Variants in MAP4 observed in about 807,000 individuals in gnomAD.
MAP4 encodes microtubule associated protein 4, also known as microtubule-associated protein 4.
A neutral mutation model predicts 170.2 loss-of-function variants in MAP4; 76 were observed. The ratio of observed to expected loss-of-function variants is 0.45; its 90% CI spans 0.37 to 0.54. The LOEUF is 0.54. Ranked by LOEUF, MAP4 falls within the 20% of genes least tolerant of loss-of-function variation. The pLI, the probability that MAP4 is intolerant of heterozygous loss-of-function variation, is 0.00. For missense variants in MAP4, 2,506 were observed against 2,748.0 expected, an observed-to-expected ratio of 0.91 and a Z score of 1.97; for synonymous variants, 909 against 994.5, an observed-to-expected ratio of 0.91 and a Z score of 1.62.
At chr3:47,934,198 C>A (rs1233665448) in intron 3 of MAP4, among the ~76,000 whole-genome samples, 1 of 152,104 alleles carries the variant, frequency 6.6e-6, no homozygotes, top group Non-Finnish European at 1.5e-5. Context: ...ATCAACAGCA[C>A]CACAACATAT....
chr3:48,033,631 C>T (rs746143387), intron 1 of MAP4, among the ~76,000 whole-genome samples: 1 of 152,062 alleles, frequency 6.6e-6, no homozygotes, highest in Non-Finnish European at 1.5e-5. Flanking sequence ...ACGGGAGTCT[C>T]GCTCTGTCAC....
chr3:47,863,258 G>A (rs1251958894), intron 17 of MAP4, among the ~76,000 whole-genome samples: 2 of 152,258 alleles, frequency 1.3e-5, no homozygotes, highest in African/African-American at 4.8e-5. Flanking sequence ...TTACAGGCAT[G>A]AGCCGCTGTG....
intron 1 of MAP4, among the ~76,000 whole-genome samples, chr3:48,055,888 CGGCCG>C (rs2100130932): frequency 2.7e-5 from 2 of 74,242 alleles, no homozygotes; most frequent in Admixed American, 1.4e-4. Flanking sequence ...CGCCTCTGCC[CGGCCG>C]AGACCCCGTC....
intron 3 of MAP4, chr3:47,974,180 C>T (rs1559661418): frequency 2.1e-6 from 2 of 936,540 alleles, no homozygotes. Context: ...AATCCCAGCA[C>T]TTTGGGTGGC....
chr3:48,068,698 C>T (rs1211069474), intron 1 of MAP4, among the ~76,000 whole-genome samples: 3 of 152,264 alleles, frequency 2.0e-5, no homozygotes, highest in East Asian at 1.9e-4. Context: ...GCAGGAGAAT[C>T]GCTTGAACCC....
At position 48,025,903 on chromosome 3, in the gene MAP4, A is replaced by AAATAATAATAATAATAAT. The variant is rs10645414; in HGVS notation, c.-19-27042_-19-27025dup. ...CTACAAGTGCGAAACTCTGCCTCAA[A>AAATAATAATAATAATAAT]AATAATAATAATAATAATAATAATA... On this transcript the variant is annotated intron_variant, in intron 1 of 18. Coordinates refer to the MAP4 transcript ENST00000360240. Among the ~76,000 whole-genome samples the AAATAATAATAATAATAAT allele has an allele frequency of 4.9e-3, 685 of 140,246 alleles. 5 individuals are homozygous for AAATAATAATAATAATAAT. The highest frequency in any genetic ancestry group is 0.013 in the East Asian group (61 of 4,758). 92.0% of individuals were successfully genotyped at this position (140,246 alleles called of 152,430 possible).
intron 1 of MAP4, among the ~76,000 whole-genome samples, chr3:48,057,508 A>G (rs1394575407): frequency 2.2e-5 from 3 of 135,852 alleles, no homozygotes; most frequent in Non-Finnish European, 4.7e-5. Flanking sequence ...GGAAAACCAG[A>G]GACCTTTGTT....
intron 1 of MAP4, among the ~76,000 whole-genome samples, chr3:48,025,292 CT>C (rs35840095): frequency 0.022 from 3,025 of 137,144 alleles, 38 homozygotes; most frequent in African/African-American, 0.057. Context: ...TACCTACACA[CT>C]TTTTTTTTTT....
intron 16 of MAP4, 22 bp downstream of exon 16, chr3:47,869,192 G>A (rs1412603104): frequency 1.3e-6 from 2 of 1,548,670 alleles, no homozygotes; most frequent in Admixed American, 1.7e-5. Context: ...ACCTTGCAGA[G>A]GTGGGTCTAA....
chr3:48,038,345 C>T (rs1051989144), intron 1 of MAP4, among the ~76,000 whole-genome samples: 3 of 151,844 alleles, frequency 2.0e-5, no homozygotes, highest in African/African-American at 7.3e-5. Flanking sequence ...CTTTTTATCA[C>T]CATCCATGGC....
intron 1 of MAP4, among the ~76,000 whole-genome samples, chr3:48,081,948 A>G (rs1022508545): frequency 4.6e-5 from 7 of 152,234 alleles, no homozygotes; most frequent in Admixed American, 6.6e-5. Flanking sequence ...CAGGAAGTAC[A>G]AAAGTGCTAA....
At chr3:47,954,149 CTTTA>C (rs2100066314) in intron 3 of MAP4, among the ~76,000 whole-genome samples, 1 of 152,146 alleles carries the variant, frequency 6.6e-6, no homozygotes, top group African/African-American at 2.4e-5. Context: ...GGTTGGCAAA[CTTTA>C]TTTATAAAGG....
chr3:47,979,624 T>A lies in MAP4; in HGVS notation c.224-1691A>T, dbSNP rs573005018. 2.5e-3 allele frequency among the ~76,000 whole-genome samples: 381 copies of A among 150,762 alleles called. 1 individual carries two copies. The highest frequency in any genetic ancestry group is 8.8e-3 in the African/African-American group (360 of 40,804). On this transcript the variant is annotated intron_variant, in intron 2 of 20. Coordinates refer to ENST00000683076, the MANE Select transcript of MAP4 (RefSeq NM_001385682.1). ...GGCACGTGCCACCACGTCCAGCTAA[T>A]TTTTTTTTGTATTTTTAGTAGAGAC...
chr3:47,911,480 G>A lies in MAP4; in HGVS notation c.2941C>T (p.Pro981Ser). 1 of 1,535,794 alleles carries A rather than the reference G, an allele frequency of 6.5e-7. No individual in the cohort carries two copies. The highest frequency in any genetic ancestry group is 1.4e-5 in the African/African-American group (1 of 73,094). ...NLVPTLIASN[P>S]LECNLKEGNN... ...CCTTCTTTTAGATTACATTCTAATG[G>A]ATTACTTGCTATCAAAGTGGGTACC... is the stretch of plus-strand genomic sequence containing the variant. The change falls in exon 9 of 21, where the codon CCA becomes TCA. Residue 981 changes from proline (P) to serine (S), a missense_variant. Pro to Ser is a moderately conservative substitution (Grantham distance 74). Transcript: ENST00000683076. The surrounding 1 kb of genome is among the most constrained non-coding windows in gnomAD (Gnocchi z 4.0).
chr3:47,865,033 G>A (rs1028508364), intron 17 of MAP4, among the ~76,000 whole-genome samples: 18 of 152,238 alleles, frequency 1.2e-4, no homozygotes, highest in African/African-American at 4.8e-5. Flanking sequence ...TTCCCACCAG[G>A]AAAGATGGCT....
chr3:47,987,232 A>T (rs752732037), intron 2 of MAP4: 3 of 513,768 alleles, frequency 5.8e-6, no homozygotes, highest in Non-Finnish European at 3.2e-6. Context: ...TGCTTTCGCT[A>T]AATGTGTCAT....
chr3:47,954,962 T>C (rs1428094118), intron 3 of MAP4, among the ~76,000 whole-genome samples: 1 of 152,170 alleles, frequency 6.6e-6, no homozygotes, highest in Non-Finnish European at 1.5e-5. Flanking sequence ...CCCTAGAACT[T>C]ACCCTCCCTA....
At chr3:47,955,546 T>C (rs763473335) in intron 3 of MAP4, among the ~76,000 whole-genome samples, 17 of 151,914 alleles carry the variant, frequency 1.1e-4, no homozygotes, top group Non-Finnish European at 2.4e-4. Flanking sequence ...ATACGTTAGA[T>C]GCTTTAGTAA....
chr3:48,005,147 G>A (rs967648984), intron 1 of MAP4, among the ~76,000 whole-genome samples: 1 of 152,138 alleles, frequency 6.6e-6, no homozygotes, highest in African/African-American at 2.4e-5. Flanking sequence ...GGATCACGAG[G>A]TCAGGAGTTC....
Sources: allele counts gnomAD v4.1 joint callset (sites outside exome capture counted in the v4.1 genomes callset), GRCh38; gene constraint gnomAD v4.1.1; non-coding constraint Gnocchi (gnomAD v3.1); transcripts MANE v1.5; gene names NCBI Gene and HGNC (gene_info 2026-07-23, HGNC 2026-07-21).